The following SETD5 variants were observed in gnomAD, a reference collection of about 807,000 sequenced individuals.
SETD5 encodes the protein histone-lysine N-methyltransferase SETD5.
Under a neutral mutation model 153.3 loss-of-function variants are expected in SETD5, and 44 were observed. The observed-to-expected ratio is 0.29, with a 90% confidence interval of 0.23 to 0.37. The LOEUF is 0.37. Ranked by LOEUF, SETD5 falls within the 10% of genes least tolerant of loss-of-function variation. The pLI, the probability that SETD5 is intolerant of heterozygous loss-of-function variation, is 1.00. For missense variants in SETD5, 1,544 were observed against 1,768.0 expected (o/e 0.87, Z 2.27); for synonymous variants, 716 against 645.2 (o/e 1.11, Z -1.66).
chr3:9,456,070 A>G (rs758066224), intron 17 of SETD5, among the ~76,000 whole-genome samples: 1 of 152,234 alleles, frequency 6.6e-6, no homozygotes, highest in Admixed American at 6.5e-5. Flanking sequence ...GTTTTTTTCA[A>G]GAATACCAAA....
chr3:9,450,016 T>C (rs1446794667), intron 16 of SETD5, among the ~76,000 whole-genome samples: 1 of 152,224 alleles, frequency 6.6e-6, no homozygotes, highest in Non-Finnish European at 1.5e-5. Flanking sequence ...AACTAGGCTC[T>C]TGAATTGAAA....
At chr3:9,425,719 G>A (rs1404596357) in intron 2 of SETD5, among the ~76,000 whole-genome samples, 1 of 151,924 alleles carries the variant, frequency 6.6e-6, no homozygotes, top group Non-Finnish European at 1.5e-5. Context: ...GGGATCACAG[G>A]CATATGCCAA....
At chr3:9,433,247 T>C in intron 3 of SETD5, 2 of 555,666 alleles carry the variant, frequency 3.6e-6, no homozygotes, top group East Asian at 1.4e-4. Flanking sequence ...GTCCTTAATA[T>C]GCTTGCATGT....
intron 15 of SETD5, 65 bp downstream of exon 15, chr3:9,448,071 A>C: frequency 2.0e-6 from 3 of 1,476,352 alleles, no homozygotes; most frequent in Non-Finnish European, 2.7e-6. Flanking sequence ...AAATGAGAGG[A>C]CCTATAATCC....
Position 9,435,910 on chromosome 3 carries a change from T to C in SETD5, c.567+4T>C. The C allele has an allele frequency of 6.4e-7, 1 of 1,567,744 alleles. No individual in the cohort carries two copies. Among genetic ancestry groups the C allele is most frequent in the East Asian group, 2.3e-5 (1 of 42,740 alleles). On this transcript the variant is annotated splice_donor_region_variant and intron_variant, in intron 7 of 22. Coordinates refer to ENST00000402198, the MANE Select transcript of SETD5 (RefSeq NM_001080517.3). The stretch of plus-strand genomic sequence containing the variant: ...ACCAAAGACGAAGAAAATCAAGGTA[T>C]GCAGGGTAAAAATATCTTAAATAGA...
At chr3:9,443,279 A>G in intron 10 of SETD5, 29 bp from the exon 11 acceptor site, 3 of 1,525,088 alleles carry the variant, frequency 2.0e-6, no homozygotes, top group Non-Finnish European at 2.7e-6. Flanking sequence ...GTCTTTATGA[A>G]AAATCCAACC....
intron 1 of SETD5, among the ~76,000 whole-genome samples, chr3:9,401,268 G>A (rs868113794): frequency 3.9e-5 from 6 of 152,166 alleles, no homozygotes; most frequent in Non-Finnish European, 5.9e-5. Flanking sequence ...ATGTATACTG[G>A]CTGTTTGACA....
In SETD5 at chr3:9,447,772, G is replaced by T. The variant is rs1422145788; in HGVS notation, c.1869G>T (p.Arg623Ser). The change falls in exon 15 of 23, where the codon AGG becomes AGT. Residue 623 changes from arginine (R) to serine (S), a missense_variant. Transcript: ENST00000402198. ...CGAAGAGTCGAATTTCTCGGTACAG[G>T]ACCAGTTCAGCCCAAAGACTAAAGC... ...PRPKSRISRYRTSSAQRLKRQ... is the reference protein window; with the variant it reads ...PRPKSRISRYSTSSAQRLKRQ... 1 of 1,613,886 alleles carries T rather than the reference G, an allele frequency of 6.2e-7. No homozygotes were observed. Among genetic ancestry groups the T allele is most frequent in the Non-Finnish European group, 8.5e-7 (1 of 1,179,908 alleles).
At chr3:9,445,825 T>C (rs1233109922) in intron 13 of SETD5, 85 bp downstream of exon 13, 18 of 898,724 alleles carry the variant, frequency 2.0e-5, no homozygotes, top group Non-Finnish European at 2.4e-5. Context: ...TGACTTTGTA[T>C]CATCTCATTG....
At chr3:9,413,765 G>C (rs2036985656) in intron 1 of SETD5, among the ~76,000 whole-genome samples, 1 of 150,602 alleles carries the variant, frequency 6.6e-6, no homozygotes, top group Non-Finnish European at 1.5e-5. Context: ...TTCATTTTTT[G>C]TTTGTTTTTG....
In SETD5 at chr3:9,473,329, G is replaced by T; in HGVS notation, c.3289G>T (p.Ala1097Ser). The T allele has an allele frequency of 6.2e-7, 1 of 1,614,002 alleles. No individual in the cohort carries two copies. The highest frequency in any genetic ancestry group is 8.5e-7 in the Non-Finnish European group (1 of 1,179,900). ...GDSAQSKSKS[A>S]GAGQGSSNSV... is the part of the protein sequence containing the mutation. ...CTCTGCACAGAGCAAAAGCAAGTCT[G>T]CAGGAGCTGGGCAAGGCAGCAGTAA... Residue 1097 changes from alanine (A) to serine (S), a missense_variant, in exon 20 of 23, where the codon GCA becomes TCA. Transcript: ENST00000402198.
chr3:9,459,531 G>A (rs1317399390), intron 17 of SETD5, among the ~76,000 whole-genome samples: 1 of 151,670 alleles, frequency 6.6e-6, no homozygotes, highest in Non-Finnish European at 1.5e-5. Flanking sequence ...AGCACTTTGG[G>A]AGGCCGAGGC....
rs190068083 is a variant in SETD5, at chr3:9,470,747, C to T, written c.3013C>T (p.Leu1005=). 100 of 1,613,962 alleles carry T rather than the reference C, an allele frequency of 6.2e-5. No homozygotes were observed. The highest frequency in any genetic ancestry group is 7.9e-5 in the Non-Finnish European group (93 of 1,179,878). Residue 1005 remains leucine (L), a synonymous_variant, in exon 19 of 23, where the codon CTA becomes TTA. Coordinates refer to ENST00000402198, the MANE Select transcript of SETD5 (RefSeq NM_001080517.3). ...AGATGGACTGTATCGAGGATCTCCTCTAGTGGGGGATAGGAAGCCTTTACA... is the reference window on the plus strand; with the variant it reads ...AGATGGACTGTATCGAGGATCTCCTTTAGTGGGGGATAGGAAGCCTTTACA... ...RADGLYRGSP[L]VGDRKPLHLD...
chr3:9,455,152 CT>C (rs1385535660), intron 17 of SETD5, among the ~76,000 whole-genome samples: 4 of 133,000 alleles, frequency 3.0e-5, no homozygotes, highest in South Asian at 4.8e-4. Flanking sequence ...CGTGAATTGC[CT>C]TTTTTTCTTT....
chr3:9,466,097 G>C (rs1465301806), intron 18 of SETD5, among the ~76,000 whole-genome samples: 1 of 151,970 alleles, frequency 6.6e-6, no homozygotes, highest in African/African-American at 2.4e-5. Context: ...GACCATCCTG[G>C]CTAACGTGGT....
At chr3:9,457,197 T>G (rs2125406044) in intron 17 of SETD5, among the ~76,000 whole-genome samples, 1 of 152,034 alleles carries the variant, frequency 6.6e-6, no homozygotes, top group East Asian at 1.9e-4. Context: ...GAATTAATAA[T>G]AAGAGTTTAG....
chr3:9,409,803 C>T (rs752491404), intron 1 of SETD5, among the ~76,000 whole-genome samples: 2 of 152,158 alleles, frequency 1.3e-5, no homozygotes, highest in Non-Finnish European at 2.9e-5. Flanking sequence ...ATTTCAAACT[C>T]AGTGCTACAT....
chr3:9,464,362 T>C, intron 17 of SETD5, 63 bp from the exon 18 acceptor site: 1 of 1,557,066 alleles, frequency 6.4e-7, no homozygotes, highest in Non-Finnish European at 8.7e-7. Context: ...ATTAATGGCT[T>C]TACTGTAGAG....
chr3:9,423,162 A>G (rs2038665342), intron 1 of SETD5: 1 of 152,254 alleles, frequency 6.6e-6, no homozygotes, highest in Non-Finnish European at 1.5e-5. Flanking sequence ...GAGATCATAC[A>G]GGTCTTGTGC....
Sources: allele counts gnomAD v4.1 joint callset (sites outside exome capture counted in the v4.1 genomes callset), GRCh38; gene constraint gnomAD v4.1.1; transcripts MANE v1.5; gene names NCBI Gene and HGNC (gene_info 2026-07-23, HGNC 2026-07-21).